Variants in SLC29A3 observed in about 807,000 individuals in gnomAD.
SLC29A3 encodes the protein solute carrier family 29 member 3.
SLC29A3 carries 18 observed loss-of-function variants against 25.4 expected under a neutral mutation model. The ratio of observed to expected loss-of-function variants is 0.71; its 90% CI spans 0.49 to 1.05. The LOEUF (loss-of-function observed/expected upper bound fraction) is 1.05. SLC29A3 is among the 50% of genes least tolerant of loss of function. SLC29A3 has a pLI of 0.00. For missense variants in SLC29A3, 586 were observed against 609.0 expected (o/e 0.96, Z 0.40); for synonymous variants, 258 against 267.1 (o/e 0.97, Z 0.33).
At chr10:71,346,933 A>G (rs2243485) in intron 3 of SLC29A3, among the ~76,000 whole-genome samples, 101,572 of 152,040 alleles carry the variant, frequency 0.67, 35,006 homozygotes, top group Non-Finnish European at 0.76. Context: ...CAGGCCAGCT[A>G]CCCTCTGAGA....
At chr10:71,328,105 T>C (rs1235220357) in intron 2 of SLC29A3, among the ~76,000 whole-genome samples, 5 of 152,202 alleles carry the variant, frequency 3.3e-5, no homozygotes, top group Non-Finnish European at 7.4e-5. Context: ...CCTTCCTGTG[T>C]ACCTCGGTCT....
At chr10:71,356,286 C>G (rs370546972) in intron 5 of SLC29A3, 43 bp downstream of exon 5, 862 of 1,602,002 alleles carry the variant, frequency 5.4e-4, no homozygotes, top group South Asian at 7.7e-4. Flanking sequence ...CCTGTGTATC[C>G]AGTTATAGCC....
At chr10:71,364,042 G>A (rs1847142274), downstream of SLC29A3, among the ~76,000 whole-genome samples, 3 of 151,978 alleles carry the variant, frequency 2.0e-5, no homozygotes, top group Non-Finnish European at 2.9e-5. Flanking sequence ...GGATGGGATG[G>A]CCAGCCTGCT....
At chr10:71,323,457 A>G (rs1845899275) in intron 2 of SLC29A3, among the ~76,000 whole-genome samples, 1 of 152,274 alleles carries the variant, frequency 6.6e-6, no homozygotes, top group South Asian at 2.1e-4. Flanking sequence ...GCCACCTCAT[A>G]GTGCAAGACG....
chr10:71,341,151 G>A (rs755252604), intron 2 of SLC29A3, among the ~76,000 whole-genome samples: 5 of 152,104 alleles, frequency 3.3e-5, no homozygotes, highest in South Asian at 2.1e-4. Flanking sequence ...TCAGGGGAGC[G>A]TCCCCCACCC....
intron 2 of SLC29A3, among the ~76,000 whole-genome samples, chr10:71,331,492 C>G (rs965758094): frequency 6.6e-6 from 1 of 152,108 alleles, no homozygotes. Flanking sequence ...AGGAAAAACG[C>G]ATGATGAAGA....
At chr10:71,361,213 C>T (rs1847044491) in intron 5 of SLC29A3, among the ~76,000 whole-genome samples, 1 of 152,200 alleles carries the variant, frequency 6.6e-6, no homozygotes. Context: ...GTGATCATAG[C>T]TCACTATATT....
intron 2 of SLC29A3, among the ~76,000 whole-genome samples, chr10:71,332,208 G>A (rs922787035): frequency 6.9e-6 from 1 of 144,270 alleles, no homozygotes; most frequent in African/African-American, 2.6e-5. Context: ...GAGTGCAGTA[G>A]TGCGATCTTG....
intron 3 of SLC29A3, among the ~76,000 whole-genome samples, chr10:71,373,900 T>C (rs528323670): frequency 6.6e-6 from 1 of 152,342 alleles, no homozygotes; most frequent in Non-Finnish European, 1.5e-5. Flanking sequence ...TTGGGACTTA[T>C]AGGTTGGGAT....
chr10:71,326,030 G>A (rs1470653452), intron 2 of SLC29A3, among the ~76,000 whole-genome samples: 2 of 148,400 alleles, frequency 1.3e-5, no homozygotes, highest in Non-Finnish European at 3.0e-5. Context: ...TGATGCTCTT[G>A]CCTCAGCCTC....
chr10:71,371,304 G>A (rs888204289), intron 3 of SLC29A3, among the ~76,000 whole-genome samples: 28 of 152,238 alleles, frequency 1.8e-4, no homozygotes, highest in African/African-American at 6.5e-4. Context: ...GCACTAGCCC[G>A]CCCCACTCCT....
rs1277751477 is a variant in SLC29A3, at chr10:71,371,969, A to G, written c.*95-3726A>G. Among the ~76,000 whole-genome samples, 11 of 152,226 alleles carry G rather than the reference A, an allele frequency of 7.2e-5. No homozygotes were observed. In the East Asian group the frequency reaches 2.1e-3, roughly 29 times the overall value. On this transcript the variant is annotated intron_variant and NMD_transcript_variant, in intron 3 of 4. Transcript: ENST00000642772. Reference sequence around the variant, plus strand: ...CCTGCTGTTTCATGAAATCATTGCAAAGAGGAAGTCTGCACACTGCTCTCA... The same window carrying G: ...CCTGCTGTTTCATGAAATCATTGCAGAGAGGAAGTCTGCACACTGCTCTCA...
chr10:71,374,930 T>C (rs1847239125), intron 3 of SLC29A3, among the ~76,000 whole-genome samples: 1 of 152,204 alleles, frequency 6.6e-6, no homozygotes, highest in South Asian at 2.1e-4. Flanking sequence ...GCTCCCCGCT[T>C]GCTTCTTGGG....
rs560296865 is a variant in SLC29A3 at position 71,351,455 on chromosome 10, A to G, written c.384-107A>G. The G allele has an allele frequency of 3.9e-4, 348 of 903,062 alleles. 1 individual carries two copies. The highest frequency in any genetic ancestry group is 5.4e-4 in the Non-Finnish European group (309 of 570,866). 55.9% of individuals were successfully genotyped at this position (903,062 alleles called of 1,614,324 possible). On this transcript the variant is annotated intron_variant, in intron 3 of 5. Transcript: ENST00000373189. Reference sequence around the variant, plus strand: ...CAGGCCTCTTGACTGCAGAGTGAACAGTCCTAACTGCTAAGCTCGCCTGCT... The same window carrying G: ...CAGGCCTCTTGACTGCAGAGTGAACGGTCCTAACTGCTAAGCTCGCCTGCT...
intron 2 of SLC29A3, among the ~76,000 whole-genome samples, chr10:71,324,244 C>A (rs1268215355): frequency 6.6e-6 from 1 of 152,210 alleles, no homozygotes; most frequent in Non-Finnish European, 1.5e-5. Context: ...AGGACTTACA[C>A]AGTCAACCCT....
At chr10:71,357,427 C>T (rs1419275212) in intron 5 of SLC29A3, among the ~76,000 whole-genome samples, 2 of 151,824 alleles carry the variant, frequency 1.3e-5, no homozygotes, top group Non-Finnish European at 2.9e-5. Flanking sequence ...AAAAAAAAAG[C>T]TTGTATAGAG....
intron 4 of SLC29A3, among the ~76,000 whole-genome samples, chr10:71,353,566 G>A (rs1471818179): frequency 2.0e-5 from 3 of 152,162 alleles, no homozygotes; most frequent in Non-Finnish European, 4.4e-5. Context: ...GTTCAGAAAA[G>A]TGGGGAAGTT....
At chr10:71,320,187 G>T (rs1024549997) in intron 1 of SLC29A3, among the ~76,000 whole-genome samples, 5 of 152,222 alleles carry the variant, frequency 3.3e-5, no homozygotes, top group African/African-American at 9.6e-5. Flanking sequence ...GCCAGGTGTG[G>T]TCCTGAGTGA....
Position 71,362,992 on chromosome 10 carries a change from C to T in SLC29A3, c.*384C>T, listed in dbSNP as rs147274572. 1,629 of 471,006 alleles carry T rather than the reference C, an allele frequency of 3.5e-3. 45 individuals carry two copies. The highest frequency in any genetic ancestry group is 0.033 in the Admixed American group (1,399 of 42,990). 29.2% of individuals were successfully genotyped at this position (471,006 alleles called of 1,614,324 possible). A position where few individuals can be genotyped will look rare whatever the true frequency, so the allele number is the denominator to read the frequency against. ...TGGGCTCTTTGCAACCTCCCAGCTG[C>T]GCTCATTCCAGCTGACAGCGAGATG... On this transcript the variant is annotated 3_prime_UTR_variant, in exon 6 of 6. Coordinates refer to ENST00000373189, the MANE Select transcript of SLC29A3 (RefSeq NM_018344.6).
Sources: gnomAD v4.1 joint callset for allele counts (sites outside exome capture counted in the v4.1 genomes callset) on GRCh38, gnomAD v4.1.1 for gene constraint, MANE v1.5 for transcripts, NCBI Gene and HGNC (gene_info 2026-07-23, HGNC 2026-07-21) for gene names.